Variants in THSD4 observed in about 807,000 individuals in gnomAD.
THSD4 encodes the protein thrombospondin type 1 domain containing 4.
In THSD4, 69 loss-of-function variants were observed where a neutral mutation model predicts 119.0. That is an observed-to-expected ratio of 0.58 (90% CI 0.48 to 0.71). The LOEUF is 0.71. Among genes scored for constraint, THSD4 ranks in the 30% least tolerant of loss-of-function variants. The pLI, the probability that THSD4 is intolerant of heterozygous loss-of-function variation, is 0.00. For missense variants in THSD4, 1,393 were observed against 1,391.1 expected, an observed-to-expected ratio of 1.00 and a Z score of -0.02; for synonymous variants, 524 against 540.4, an observed-to-expected ratio of 0.97 and a Z score of 0.42.
intron 3 of THSD4, among the ~76,000 whole-genome samples, chr15:71,155,670 T>C (rs989043449): frequency 2.6e-5 from 4 of 152,150 alleles, no homozygotes; most frequent in African/African-American, 9.7e-5. Flanking sequence ...TTACCCTCTC[T>C]TGGGGCACCT....
chr15:71,363,929 A>G (rs1205228476), intron 6 of THSD4, among the ~76,000 whole-genome samples: 1 of 152,238 alleles, frequency 6.6e-6, no homozygotes, highest in Non-Finnish European at 1.5e-5. Context: ...ATTATTCCCC[A>G]CAAAAGATAT....
intron 7 of THSD4, among the ~76,000 whole-genome samples, chr15:71,491,327 TTAG>T (rs1354991987): frequency 6.6e-6 from 1 of 152,220 alleles, no homozygotes; most frequent in Non-Finnish European, 1.5e-5. Context: ...GTTACAGTAT[TTAG>T]AGGGTGGGAT....
rs942324230 is a variant in THSD4, at chr15:71,616,006, C to G, written c.1153-44524C>G. Among the ~76,000 whole-genome samples the G allele has an allele frequency of 3.3e-5, 5 of 152,318 alleles. No homozygotes were observed. The South Asian group carries it at 6.2e-4, about 19-fold the overall frequency. ...AATTGTGTCTTATTCACTGACCCAC[C>G]TCACAGCACAACATCTGGCCCAGGA... On this transcript the variant is annotated intron_variant, in intron 7 of 17. Transcript: ENST00000261862.
chr15:71,582,645 G>A (rs577718064), intron 7 of THSD4, among the ~76,000 whole-genome samples: 40 of 152,008 alleles, frequency 2.6e-4, no homozygotes, highest in African/African-American at 5.3e-4. Context: ...ATTATGTTGC[G>A]GTATATTTCT....
chr15:71,249,888 C>T (rs2044242697), intron 5 of THSD4, among the ~76,000 whole-genome samples: 1 of 118,336 alleles, frequency 8.5e-6, no homozygotes, highest in African/African-American at 3.2e-5. Flanking sequence ...GAATTGACCC[C>T]CTTTCCTTCC....
intron 3 of THSD4, among the ~76,000 whole-genome samples, chr15:71,157,459 G>A (rs2040789918): frequency 6.6e-6 from 1 of 151,636 alleles, no homozygotes; most frequent in African/African-American, 2.4e-5. Flanking sequence ...TTTGTGGTGA[G>A]AACATTCAAA....
At chr15:71,615,691 G>A (rs966511497) in intron 7 of THSD4, among the ~76,000 whole-genome samples, 1 of 152,084 alleles carries the variant, frequency 6.6e-6, no homozygotes, top group Non-Finnish European at 1.5e-5. Context: ...CTTGTATTCT[G>A]TCTTTTCCTG....
chr15:71,218,417 T>C (rs2043951523), intron 4 of THSD4, among the ~76,000 whole-genome samples: 1 of 152,186 alleles, frequency 6.6e-6, no homozygotes, highest in Non-Finnish European at 1.5e-5. Flanking sequence ...AAGAGCTGCC[T>C]GAGGATCAGG....
chr15:71,215,282 G>A lies in THSD4; in HGVS notation c.347G>A (p.Arg116Gln), dbSNP rs1371524626. ...SAVRTSVPLH[R>Q]SRDETPALAG... The stretch of plus-strand genomic sequence containing the variant: ...GTGCGCACGTCGGTGCCACTGCACC[G>A]GAGCCGCGACGAGACGCCAGCGCTG... Residue 116 changes from arginine to glutamine, a missense_variant, in exon 4 of 18, where the codon CGG becomes CAG. Physicochemically the swap from Arg to Gln is conservative, Grantham distance 43. Coordinates refer to ENST00000261862, the MANE Select transcript of THSD4 (RefSeq NM_024817.3). The A allele has an allele frequency of 4.6e-6, 7 of 1,520,672 alleles. No homozygotes were observed. Among genetic ancestry groups the A allele is most frequent in the Admixed American group, 2.0e-5 (1 of 50,234 alleles). The allele number at this position is 1,520,672 out of a possible 1,614,324, so 94.2% of individuals were successfully genotyped here.
chr15:71,558,534 A>G (rs1595884095), intron 7 of THSD4, among the ~76,000 whole-genome samples: 1 of 152,140 alleles, frequency 6.6e-6, no homozygotes, highest in South Asian at 2.1e-4. Context: ...CAGTGGCAGG[A>G]TCACAGCTCA....
chr15:71,507,095 C>T (rs568538037), intron 7 of THSD4, among the ~76,000 whole-genome samples: 174 of 152,330 alleles, frequency 1.1e-3, no homozygotes, highest in Middle Eastern at 3.4e-3. Flanking sequence ...TAAAATGAGA[C>T]ATGAGCACAT....
chr15:71,586,872 A>C (rs765644546), intron 7 of THSD4, among the ~76,000 whole-genome samples: 2 of 152,218 alleles, frequency 1.3e-5, no homozygotes, highest in African/African-American at 4.8e-5. Context: ...GAAGCTGCTT[A>C]TCACAACCAA....
At chr15:71,484,257 A>G (rs2047780074) in intron 7 of THSD4, among the ~76,000 whole-genome samples, 1 of 152,222 alleles carries the variant, frequency 6.6e-6, no homozygotes. Flanking sequence ...TAGTTGACTC[A>G]TGAGGAACCT....
chr15:71,456,096 T>C (rs2047335900), intron 7 of THSD4, among the ~76,000 whole-genome samples: 1 of 152,226 alleles, frequency 6.6e-6, no homozygotes, highest in Admixed American at 6.5e-5. Flanking sequence ...TTGCGGTGTT[T>C]GCTTTGGGTA....
At chr15:71,542,884 A>T (rs2048780026) in intron 7 of THSD4, among the ~76,000 whole-genome samples, 1 of 151,876 alleles carries the variant, frequency 6.6e-6, no homozygotes, top group Non-Finnish European at 1.5e-5. Flanking sequence ...CTCAAAAAAA[A>T]AAACAAAAAA....
chr15:71,661,736 C>T (rs1465570144), intron 8 of THSD4, among the ~76,000 whole-genome samples: 4 of 152,056 alleles, frequency 2.6e-5, no homozygotes, highest in Non-Finnish European at 4.4e-5. Flanking sequence ...TAGATGTAAG[C>T]ATGTTTAAAT....
chr15:71,141,649 G>C (rs1348189687), intron 2 of THSD4, 93 bp downstream of exon 2: 21 of 1,387,632 alleles, frequency 1.5e-5, no homozygotes, highest in Non-Finnish European at 2.0e-5. Flanking sequence ...GTGATCTTAA[G>C]GGTCTGCAGC....
intron 7 of THSD4, among the ~76,000 whole-genome samples, chr15:71,441,827 G>A (rs1408812385): frequency 6.6e-6 from 1 of 152,138 alleles, no homozygotes; most frequent in Non-Finnish European, 1.5e-5. Flanking sequence ...GCGGGGATGA[G>A]AGCAGTACTG....
rs145711913 is a variant in THSD4, at chr15:71,328,940, T to A, written c.1015+72225T>A. Among the ~76,000 whole-genome samples the A allele has an allele frequency of 4.1e-3, 626 of 152,338 alleles. 7 individuals are homozygous for A. Among genetic ancestry groups the A allele is most frequent in the African/African-American group, 0.014 (576 of 41,570 alleles). On this transcript the variant is annotated intron_variant, in intron 6 of 17. Coordinates refer to ENST00000261862, the MANE Select transcript of THSD4 (RefSeq NM_024817.3). ...AGTTTCCTGATCTGTAGAATGAGGC[T>A]GGATAAATCTAAGTTTCTCTCCAAC...
Sources: allele counts gnomAD v4.1 joint callset (sites outside exome capture counted in the v4.1 genomes callset), GRCh38; gene constraint gnomAD v4.1.1; transcripts MANE v1.5; gene names NCBI Gene and HGNC (gene_info 2026-07-23, HGNC 2026-07-21).